Variants in ADGRB3 observed in about 807,000 individuals in gnomAD.
ADGRB3 encodes the protein brain-specific angiogenesis inhibitor 3.
In ADGRB3, 37 loss-of-function variants were observed where a neutral mutation model predicts 193.4. The ratio of observed to expected loss-of-function variants is 0.19; its 90% CI spans 0.15 to 0.25. The LOEUF is 0.25. Among genes scored for constraint, ADGRB3 ranks in the 10% least tolerant of loss-of-function variants. The pLI is 1.00. For missense variants in ADGRB3, 1,637 were observed against 1,852.9 expected (o/e 0.88, Z 2.14); for synonymous variants, 690 against 644.2 (o/e 1.07, Z -1.08).
At chr6:68,891,539 G>A (rs149561275) in intron 3 of ADGRB3, among the ~76,000 whole-genome samples, 2 of 152,174 alleles carry the variant, frequency 1.3e-5, no homozygotes, top group Non-Finnish European at 2.9e-5. Flanking sequence ...GGTAGATTAT[G>A]TATGATCAAA....
rs187183073 is a variant in ADGRB3, at chr6:68,699,552, T to A, written c.757+60120T>A. On this transcript the variant is annotated intron_variant, in intron 3 of 31. Coordinates refer to ENST00000370598, the MANE Select transcript of ADGRB3 (RefSeq NM_001704.3). ...GTACTTGATTGATTACATTTATTTC[T>A]ACTCAGACAATCTCTTCTTTTAACA... is the stretch of plus-strand genomic sequence containing the variant. Among the ~76,000 whole-genome samples, 245 of 152,186 alleles carry A rather than the reference T, an allele frequency of 1.6e-3. 3 individuals are homozygous for A. Among genetic ancestry groups the A allele is most frequent in the African/African-American group, 5.6e-3 (231 of 41,550 alleles).
intron 28 of ADGRB3, 84 bp downstream of exon 28, chr6:69,355,944 G>A: frequency 8.5e-7 from 1 of 1,181,202 alleles, no homozygotes; most frequent in Non-Finnish European, 1.2e-6. Flanking sequence ...AAATGCTGTG[G>A]TTTACACATT....
At chr6:69,256,125 G>T (rs1226333494) in intron 20 of ADGRB3, among the ~76,000 whole-genome samples, 1 of 151,586 alleles carries the variant, frequency 6.6e-6, no homozygotes, top group Non-Finnish European at 1.5e-5. Context: ...ATAGTTTGAA[G>T]TCAGGTAGCG....
At chr6:68,882,072 C>T (rs541989660) in intron 3 of ADGRB3, among the ~76,000 whole-genome samples, 2 of 152,196 alleles carry the variant, frequency 1.3e-5, no homozygotes, top group Non-Finnish European at 2.9e-5. Context: ...CTTTTATGTT[C>T]TCTTAAAGGT....
chr6:69,126,180 C>T (rs1321965951), intron 17 of ADGRB3, among the ~76,000 whole-genome samples: 2 of 151,204 alleles, frequency 1.3e-5, no homozygotes, highest in Non-Finnish European at 2.9e-5. Context: ...TTAGATTTCC[C>T]CAGAGAAACA....
chr6:69,228,386 G>A (rs745392730), intron 17 of ADGRB3, among the ~76,000 whole-genome samples: 8 of 152,204 alleles, frequency 5.3e-5, no homozygotes, highest in Non-Finnish European at 1.0e-4. Context: ...CATATGGCAT[G>A]TAGAGTGTTA....
At chr6:68,868,447 A>G (rs1307336393) in intron 3 of ADGRB3, among the ~76,000 whole-genome samples, 1 of 152,216 alleles carries the variant, frequency 6.6e-6, no homozygotes, top group Admixed American at 6.5e-5. Flanking sequence ...CAATGTGAAA[A>G]TAAAGTAATG....
intron 3 of ADGRB3, among the ~76,000 whole-genome samples, chr6:68,673,653 T>G (rs1386807371): frequency 6.6e-6 from 1 of 152,158 alleles, no homozygotes; most frequent in Non-Finnish European, 1.5e-5. Flanking sequence ...ACTAGCAATC[T>G]TTATCCTGCT....
chr6:68,828,740 C>A (rs897154723), intron 3 of ADGRB3, among the ~76,000 whole-genome samples: 1 of 152,134 alleles, frequency 6.6e-6, no homozygotes, highest in Non-Finnish European at 1.5e-5. Flanking sequence ...GCTACTCAAT[C>A]AAATTAGGAA....
Position 68,661,538 on chromosome 6 carries a change from C to CATAT in ADGRB3, c.757+22136_757+22139dup, listed in dbSNP as rs66836065. The stretch of plus-strand genomic sequence containing the variant: ...GTGTATACATATATATATGTGTATA[C>CATAT]ATATATATATATATATATATATATA... On this transcript the variant is annotated intron_variant, in intron 3 of 31. Coordinates refer to ENST00000370598, the MANE Select transcript of ADGRB3 (RefSeq NM_001704.3). Among the ~76,000 whole-genome samples, 704 of 91,772 alleles carry CATAT rather than the reference C, an allele frequency of 7.7e-3. 74 individuals carry two copies. Among genetic ancestry groups the CATAT allele is most frequent in the East Asian group, 0.03 (57 of 1,884 alleles). 60.2% of individuals were successfully genotyped at this position (91,772 alleles called of 152,430 possible).
At chr6:69,065,068 A>T (rs1248726823) in intron 16 of ADGRB3, among the ~76,000 whole-genome samples, 1 of 152,210 alleles carries the variant, frequency 6.6e-6, no homozygotes, top group African/African-American at 2.4e-5. Context: ...GTCAGCATGT[A>T]AGAATGATGA....
chr6:69,078,725 T>C (rs1270794027), intron 17 of ADGRB3, among the ~76,000 whole-genome samples: 3 of 152,032 alleles, frequency 2.0e-5, no homozygotes, highest in African/African-American at 7.2e-5. Flanking sequence ...TGTTGCCCTG[T>C]TGTTCTCTTT....
intron 3 of ADGRB3, among the ~76,000 whole-genome samples, chr6:68,653,656 T>A (rs1768424378): frequency 2.0e-5 from 3 of 152,070 alleles, no homozygotes; most frequent in African/African-American, 7.2e-5. Context: ...CTTTCAACAT[T>A]TAAAGATACT....
intron 17 of ADGRB3, among the ~76,000 whole-genome samples, chr6:69,199,151 T>A (rs1339232310): frequency 6.6e-6 from 1 of 152,148 alleles, no homozygotes; most frequent in Non-Finnish European, 1.5e-5. Context: ...CTGAAAACTT[T>A]ATTTCCCTCA....
chr6:69,323,114 T>G (rs1768497231), intron 20 of ADGRB3, among the ~76,000 whole-genome samples: 1 of 151,982 alleles, frequency 6.6e-6, no homozygotes, highest in Admixed American at 6.6e-5. Context: ...CTTATAAAAT[T>G]TCAGTACACC....
chr6:69,187,855 C>T (rs1194977550), intron 17 of ADGRB3, among the ~76,000 whole-genome samples: 1 of 152,142 alleles, frequency 6.6e-6, no homozygotes, highest in Non-Finnish European at 1.5e-5. Context: ...CAGGCATTGT[C>T]TGGTCACCAA....
chr6:69,357,188 C>G (rs1015381820), intron 28 of ADGRB3, among the ~76,000 whole-genome samples: 2 of 151,962 alleles, frequency 1.3e-5, no homozygotes, highest in Non-Finnish European at 2.9e-5. Context: ...TACATGTTCA[C>G]CCAGCATTTA....
chr6:68,876,049 A>G (rs752143489), intron 3 of ADGRB3, among the ~76,000 whole-genome samples: 9 of 152,184 alleles, frequency 5.9e-5, no homozygotes, highest in Admixed American at 1.3e-4. Flanking sequence ...ATTTATATTC[A>G]TATATAATTC....
intron 17 of ADGRB3, among the ~76,000 whole-genome samples, chr6:69,098,452 T>C (rs1325518248): frequency 6.6e-6 from 1 of 152,214 alleles, no homozygotes; most frequent in African/African-American, 2.4e-5. Context: ...TACCTGAGAC[T>C]GGGTAACTTA....
Sources: allele counts gnomAD v4.1 joint callset (sites outside exome capture counted in the v4.1 genomes callset), GRCh38; gene constraint gnomAD v4.1.1; transcripts MANE v1.5; gene names NCBI Gene and HGNC (gene_info 2026-07-23, HGNC 2026-07-21).